PLD1: variants seen among roughly 807,000 people sequenced by gnomAD.
PLD1 encodes the protein phospholipase D1, also known as choline phosphatase 1.
PLD1 carries 112 observed loss-of-function variants against 137.1 expected under a neutral mutation model. The observed-to-expected ratio is 0.82, with a 90% confidence interval of 0.70 to 0.96. PLD1 has a LOEUF of 0.96. Among genes scored for constraint, PLD1 ranks in the 40% least tolerant of loss-of-function variants. The pLI, the probability that PLD1 is intolerant of heterozygous loss-of-function variation, is 0.00. For missense variants in PLD1, 1,321 were observed against 1,342.0 expected (o/e 0.98, Z 0.24); for synonymous variants, 431 against 454.7 (o/e 0.95, Z 0.66).
chr3:171,639,558 A>C (rs1419402007), intron 23 of PLD1, among the ~76,000 whole-genome samples: 1 of 73,362 alleles, frequency 1.4e-5, no homozygotes, highest in Non-Finnish European at 2.5e-5. Flanking sequence ...TATTCATATA[A>C]TATATATTAT....
intron 16 of PLD1, among the ~76,000 whole-genome samples, chr3:171,681,425 A>G (rs1578259434): frequency 6.6e-6 from 1 of 152,338 alleles, no homozygotes; most frequent in South Asian, 2.1e-4. Flanking sequence ...TTCTACACTC[A>G]GTCTGAGATG....
intron 11 of PLD1, among the ~76,000 whole-genome samples, chr3:171,701,874 G>A (rs531864061): frequency 1.3e-5 from 2 of 152,248 alleles, no homozygotes; most frequent in East Asian, 3.9e-4. Flanking sequence ...ATAACTGTAA[G>A]AGCATAAGAT....
At chr3:171,777,244 T>C (rs577235144) in intron 1 of PLD1, among the ~76,000 whole-genome samples, 1 of 152,092 alleles carries the variant, frequency 6.6e-6, no homozygotes, top group East Asian at 1.9e-4. Context: ...AAAACTAGAG[T>C]GAAAATTGTT....
chr3:171,775,655 C>T (rs369712350), intron 1 of PLD1, among the ~76,000 whole-genome samples: 2 of 152,144 alleles, frequency 1.3e-5, no homozygotes, highest in South Asian at 2.1e-4. Context: ...CCAGCCTGGC[C>T]GACATGGTGA....
chr3:171,723,669 G>A (rs541351519), intron 8 of PLD1, among the ~76,000 whole-genome samples: 4 of 152,234 alleles, frequency 2.6e-5, no homozygotes, highest in Admixed American at 6.5e-5. Flanking sequence ...CATTTTAACT[G>A]GGGTGAGATG....
intron 1 of PLD1, among the ~76,000 whole-genome samples, chr3:171,773,800 C>G (rs1221343264): frequency 1.3e-5 from 2 of 152,004 alleles, no homozygotes; most frequent in South Asian, 2.1e-4. Context: ...CCAGGCGGGA[C>G]TGCAGTGGCG....
rs543168760 is a variant in PLD1, at chr3:171,612,892, G to C, written c.2729-460C>G. On this transcript the variant is annotated intron_variant, in intron 24 of 26. Transcript: ENST00000351298. The surrounding 1 kb of genome is among the most constrained non-coding windows in gnomAD (Gnocchi z 4.1). The stretch of plus-strand genomic sequence containing the variant: ...AATGCTAAGTAGAAAAAAGAGCCAG[G>C]CATGGTGGCTCATGTCTGTAATCCC... Among the ~76,000 whole-genome samples, 1 of 152,286 alleles carries C rather than the reference G, an allele frequency of 6.6e-6. No individual in the cohort carries two copies. Among genetic ancestry groups the C allele is most frequent in the Admixed American group, 6.5e-5 (1 of 15,302 alleles).
intron 1 of PLD1, among the ~76,000 whole-genome samples, chr3:171,751,959 C>T (rs1349870096): frequency 4.0e-5 from 6 of 150,532 alleles, no homozygotes; most frequent in Admixed American, 1.3e-4. Flanking sequence ...GCCGAGATCG[C>T]GCCACTGTAC....
At chr3:171,740,815 T>C (rs1719724981) in intron 1 of PLD1, among the ~76,000 whole-genome samples, 1 of 152,208 alleles carries the variant, frequency 6.6e-6, no homozygotes, top group Non-Finnish European at 1.5e-5. Flanking sequence ...AGTTATGTTA[T>C]TTAATACTCA....
intron 15 of PLD1, 40 bp downstream of exon 15, chr3:171,687,331 T>C (rs983708253): frequency 6.7e-7 from 1 of 1,494,584 alleles, no homozygotes; most frequent in South Asian, 1.1e-5. Flanking sequence ...GGAAGAACAG[T>C]GGGTAGTTAA....
rs1011129495 is a variant in PLD1 at position 171,686,895 on chromosome 3, T to A, written c.1754-97A>T. On this transcript the variant is annotated intron_variant, in intron 15 of 26. Transcript: ENST00000351298. ...TCATTTTTAAAACCAGGCAGGGCTA[T>A]AACATCAGTCTTAAGATTCTGTGCA... The A allele has an allele frequency of 1.6e-5, 10 of 626,138 alleles. No homozygotes were observed. The African/African-American group carries it at 1.7e-4, about 11-fold the overall frequency. The allele number at this position is 626,138 out of a possible 1,614,324, so 38.8% of individuals were successfully genotyped here.
At chr3:171,691,272 CT>C (rs919067193) in intron 13 of PLD1, among the ~76,000 whole-genome samples, 51 of 152,230 alleles carry the variant, frequency 3.4e-4, no homozygotes, top group African/African-American at 1.1e-3. Context: ...CTACCAATCT[CT>C]GTTTTTTGAT....
intron 23 of PLD1, among the ~76,000 whole-genome samples, chr3:171,641,955 G>C (rs540165681): frequency 2.0e-5 from 3 of 152,244 alleles, no homozygotes; most frequent in African/African-American, 7.2e-5. Flanking sequence ...GACCCAACTT[G>C]AACTAGAAGT....
intron 20 of PLD1, 148 bp from the exon 21 acceptor site, chr3:171,659,449 A>G: frequency 1.8e-6 from 1 of 553,460 alleles, no homozygotes; most frequent in Non-Finnish European, 3.2e-6. Flanking sequence ...AACGACACAG[A>G]AAAAAAGCCG....
chr3:171,673,535 T>C (rs1287772776), intron 19 of PLD1, among the ~76,000 whole-genome samples: 1 of 152,180 alleles, frequency 6.6e-6, no homozygotes, highest in African/African-American at 2.4e-5. Flanking sequence ...CCTCCCAAAG[T>C]GCTAGGACTA....
At chr3:171,806,385 C>A (rs1578491510) in intron 1 of PLD1, among the ~76,000 whole-genome samples, 1 of 152,230 alleles carries the variant, frequency 6.6e-6, no homozygotes, top group Non-Finnish European at 1.5e-5. Context: ...TGTGTTCCCA[C>A]TGAAGCATAA....
intron 23 of PLD1, among the ~76,000 whole-genome samples, chr3:171,626,453 C>T (rs1734116638): frequency 6.6e-6 from 1 of 152,092 alleles, no homozygotes; most frequent in Admixed American, 6.6e-5. Flanking sequence ...GGAGAACTTC[C>T]CCAATCTAGC....
chr3:171,683,185 G>T (rs1026628077), intron 16 of PLD1, among the ~76,000 whole-genome samples: 2 of 152,218 alleles, frequency 1.3e-5, no homozygotes, highest in South Asian at 4.1e-4. Context: ...CTCACATCTT[G>T]TATCTAGTTC....
intron 1 of PLD1, among the ~76,000 whole-genome samples, chr3:171,797,644 T>G (rs1019951346): frequency 6.6e-6 from 1 of 152,170 alleles, no homozygotes; most frequent in Non-Finnish European, 1.5e-5. Flanking sequence ...AAAAAAATAC[T>G]ATAGCATATT....
Sources: gnomAD v4.1 joint callset for allele counts (sites outside exome capture counted in the v4.1 genomes callset) on GRCh38, gnomAD v4.1.1 for gene constraint, Gnocchi (gnomAD v3.1) non-coding constraint, MANE v1.5 for transcripts, NCBI Gene and HGNC (gene_info 2026-07-23, HGNC 2026-07-21) for gene names.